The following CCBE1 variants were observed in gnomAD, a reference collection of about 807,000 sequenced individuals.
CCBE1 encodes collagen and calcium binding EGF domains 1, also known as collagen and calcium-binding EGF domain-containing protein 1.
In CCBE1, 37 loss-of-function variants were observed where a neutral mutation model predicts 50.0. That is an observed-to-expected ratio of 0.74 (90% CI 0.57 to 0.97). CCBE1 has a LOEUF of 0.97. Ranked by LOEUF, CCBE1 falls within the 50% of genes least tolerant of loss-of-function variation. The pLI is 0.00. For missense variants in CCBE1, 538 were observed against 523.8 expected, an observed-to-expected ratio of 1.03 and a Z score of -0.26; for synonymous variants, 234 against 203.7, an observed-to-expected ratio of 1.15 and a Z score of -1.27.
chr18:59,649,759 G>C (rs2054103197), intron 2 of CCBE1, among the ~76,000 whole-genome samples: 1 of 147,938 alleles, frequency 6.8e-6, no homozygotes, highest in African/African-American at 2.6e-5. Flanking sequence ...AAGTAAAAGT[G>C]GGGGTGGATG....
chr18:59,626,954 A>C (rs2053793075), intron 2 of CCBE1, among the ~76,000 whole-genome samples: 2 of 152,178 alleles, frequency 1.3e-5, no homozygotes, highest in South Asian at 4.1e-4. Context: ...CAAGCTTCCC[A>C]ACTGTGCCCA....
At chr18:59,457,256 TCA>T (rs1281743254) in intron 5 of CCBE1, among the ~76,000 whole-genome samples, 1 of 152,210 alleles carries the variant, frequency 6.6e-6, no homozygotes, top group East Asian at 1.9e-4. Context: ...TGGTTTTGAC[TCA>T]CTGCAGCTGT....
intron 5 of CCBE1, among the ~76,000 whole-genome samples, chr18:59,460,752 T>G: frequency 6.6e-6 from 1 of 151,868 alleles, no homozygotes; most frequent in East Asian, 1.9e-4. Flanking sequence ...GCCAAGATGG[T>G]GAAACCCCAT....
At chr18:59,610,051 A>T (rs1352616514) in intron 2 of CCBE1, among the ~76,000 whole-genome samples, 1 of 152,266 alleles carries the variant, frequency 6.6e-6, no homozygotes, top group Non-Finnish European at 1.5e-5. Context: ...ACAAAGGCAC[A>T]CAAAATATAT....
chr18:59,682,103 C>A (rs913611322), intron 2 of CCBE1, among the ~76,000 whole-genome samples: 5 of 152,228 alleles, frequency 3.3e-5, no homozygotes, highest in African/African-American at 1.2e-4. Flanking sequence ...TTGGCTCATG[C>A]CTGTAATCCC....
rs1915102974 is a variant in CCBE1 at position 59,532,832 on chromosome 18, T to C, written c.213-52594A>G. On this transcript the variant is annotated intron_variant, in intron 2 of 10. Coordinates refer to ENST00000439986, the MANE Select transcript of CCBE1 (RefSeq NM_133459.4). ...TCCTCCTGAAAACAATTATATACAA[T>C]AAAATTGTTCTGGAGGCTATCTAGG... is the stretch of plus-strand genomic sequence containing the variant. Among the ~76,000 whole-genome samples the C allele has an allele frequency of 2.0e-5, 3 of 152,280 alleles. No individual in the cohort carries two copies. The South Asian group carries it at 6.2e-4, about 32-fold the overall frequency.
intron 2 of CCBE1, among the ~76,000 whole-genome samples, chr18:59,573,333 T>C (rs1050259818): frequency 3.9e-5 from 5 of 129,004 alleles, no homozygotes; most frequent in African/African-American, 1.4e-4. Flanking sequence ...ATCCAATCAG[T>C]TGAAGACCTT....
At chr18:59,620,060 TAGGAA>T (rs2053691160) in intron 2 of CCBE1, among the ~76,000 whole-genome samples, 1 of 151,898 alleles carries the variant, frequency 6.6e-6, no homozygotes, top group Non-Finnish European at 1.5e-5. Context: ...GGGAGGGGAA[TAGGAA>T]AGGAAAGAGT....
intron 2 of CCBE1, among the ~76,000 whole-genome samples, chr18:59,592,385 A>T (rs2053284373): frequency 6.6e-6 from 1 of 152,248 alleles, no homozygotes. Flanking sequence ...CTGAAATCTA[A>T]AACTTTTCTG....
intron 2 of CCBE1, among the ~76,000 whole-genome samples, chr18:59,662,115 C>A (rs889903089): frequency 1.3e-5 from 2 of 152,218 alleles, no homozygotes; most frequent in African/African-American, 4.8e-5. Context: ...CATGTCAGCA[C>A]TGCTCTTGGG....
chr18:59,613,031 C>T (rs184774492), intron 2 of CCBE1, among the ~76,000 whole-genome samples: 125 of 151,968 alleles, frequency 8.2e-4, no homozygotes, highest in African/African-American at 2.8e-3. Context: ...TAAAGGAATT[C>T]GGAGAAGACA....
intron 2 of CCBE1, among the ~76,000 whole-genome samples, chr18:59,588,406 A>T (rs530445106): frequency 6.6e-6 from 1 of 152,246 alleles, no homozygotes; most frequent in South Asian, 2.1e-4. Context: ...ATTATAAAGA[A>T]AGAAAAAAAA....
chr18:59,444,637 C>T (rs1910593785), intron 7 of CCBE1, among the ~76,000 whole-genome samples: 1 of 151,932 alleles, frequency 6.6e-6, no homozygotes, highest in Non-Finnish European at 1.5e-5. Context: ...TACCCCTCAG[C>T]CTCCTGAGTA....
intron 2 of CCBE1, among the ~76,000 whole-genome samples, chr18:59,623,306 T>G (rs1473319824): frequency 6.6e-6 from 1 of 152,242 alleles, no homozygotes; most frequent in Non-Finnish European, 1.5e-5. Context: ...TCTTGGGTCC[T>G]TCAGAAACAT....
intron 2 of CCBE1, among the ~76,000 whole-genome samples, chr18:59,506,719 C>T (rs534978879): frequency 3.9e-5 from 6 of 152,332 alleles, no homozygotes; most frequent in Admixed American, 3.3e-4. Context: ...TGACATGGTG[C>T]ACCCAGACCA....
chr18:59,506,667 C>A (rs1913887477), intron 2 of CCBE1, among the ~76,000 whole-genome samples: 1 of 152,238 alleles, frequency 6.6e-6, no homozygotes, highest in Admixed American at 6.5e-5. Context: ...GGGTCCCTCA[C>A]TGGCTACTCC....
intron 4 of CCBE1, 150 bp downstream of exon 4, chr18:59,469,323 G>T: frequency 9.0e-7 from 1 of 1,108,068 alleles, no homozygotes; most frequent in Non-Finnish European, 1.4e-6. Flanking sequence ...TTTAGTAATT[G>T]TGATGAAGGG....
chr18:59,553,378 T>A (rs1915997487), intron 2 of CCBE1, among the ~76,000 whole-genome samples: 1 of 152,198 alleles, frequency 6.6e-6, no homozygotes, highest in African/African-American at 2.4e-5. Flanking sequence ...GAGAGGTTGT[T>A]ACAGTCATGC....
intron 2 of CCBE1, among the ~76,000 whole-genome samples, chr18:59,536,205 G>T (rs952103407): frequency 2.0e-5 from 3 of 152,120 alleles, no homozygotes; most frequent in East Asian, 3.8e-4. Flanking sequence ...TGATCAAATC[G>T]ATCTTTATGA....
Sources: allele counts gnomAD v4.1 joint callset (sites outside exome capture counted in the v4.1 genomes callset), GRCh38; gene constraint gnomAD v4.1.1; transcripts MANE v1.5; gene names NCBI Gene and HGNC (gene_info 2026-07-23, HGNC 2026-07-21).